Variants in NPY observed in about 807,000 individuals in gnomAD.
NPY encodes the protein pro-neuropeptide Y.
In NPY, 11 loss-of-function variants were observed where a neutral mutation model predicts 13.2. That is an observed-to-expected ratio of 0.83 (90% confidence interval 0.52 to 1.38). The LOEUF is 1.38. NPY is among the 40% of genes most tolerant of loss of function. The pLI is 0.00. For synonymous variants in NPY, 51 were observed against 55.6 expected (o/e 0.92, Z 0.37); for missense variants, 109 against 125.1 (o/e 0.87, Z 0.61).
At chr7:24,290,333 G>T (rs1787554699) in intron 3 of NPY, among the ~76,000 whole-genome samples, 1 of 152,098 alleles carries the variant, frequency 6.6e-6, no homozygotes, top group African/African-American at 2.4e-5. Context: ...TTCAGTCCTT[G>T]CTTCCTGTCT....
chr7:24,285,255 G>C lies in NPY; in HGVS notation c.15G>C (p.Lys5Asn). 6.2e-7 allele frequency: 1 copy of C among 1,614,108 alleles called. No homozygotes were observed. The highest frequency in any genetic ancestry group is 8.5e-7 in the Non-Finnish European group (1 of 1,179,980). The change falls in exon 2 of 4, where the codon AAG (lysine) becomes AAC (asparagine). Residue 5 changes from lysine (K) to asparagine (N), a missense_variant. Transcript: ENST00000242152. This position sits in a 1 kb window ranked among gnomAD's most constrained non-coding sequence, Gnocchi z 4.9. MLGNKRLGLSGLTLA... is the reference protein window; with the variant it reads MLGNNRLGLSGLTLA... ...TGTGCCTGCAGATGCTAGGTAACAA[G>C]CGACTGGGGCTGTCCGGACTGACCC...
At chr7:24,286,843 A>T (rs1254983806) in intron 2 of NPY, among the ~76,000 whole-genome samples, 2 of 152,242 alleles carry the variant, frequency 1.3e-5, no homozygotes, top group Non-Finnish European at 2.9e-5. Context: ...AAACAAAAAG[A>T]TATTAACTGT....
intron 2 of NPY, among the ~76,000 whole-genome samples, chr7:24,288,880 C>T (rs922906772): frequency 5.9e-5 from 9 of 152,024 alleles, no homozygotes; most frequent in African/African-American, 1.7e-4. Context: ...AATTTGCATG[C>T]GTGTATCACT....
At chr7:24,284,962 C>T (rs549722450) in intron 1 of NPY, 572 of 544,902 alleles carry the variant, frequency 1.0e-3, no homozygotes, top group Non-Finnish European at 1.7e-3. Flanking sequence ...GGGGCCCCCA[C>T]CTTGCACTCT....
At position 24,291,829 on chromosome 7, in the gene NPY, ATG is replaced by A; in HGVS notation, c.*148_*149del. 1 of 828,638 alleles carries A rather than the reference ATG, an allele frequency of 1.2e-6. No homozygotes were observed. Among genetic ancestry groups the A allele is most frequent in the Non-Finnish European group, 1.9e-6 (1 of 518,266 alleles). 51.3% of individuals were successfully genotyped at this position (828,638 alleles called of 1,614,324 possible). A position where few individuals can be genotyped will look rare whatever the true frequency, so the allele number is the denominator to read the frequency against. On this transcript the variant is annotated 3_prime_UTR_variant, in exon 4 of 4. Coordinates refer to ENST00000242152, the MANE Select transcript of NPY (RefSeq NM_000905.4). ...GTTTTCCTTTGTCATCATTGTATAT[ATG>A]TGTGTTTAAATAAAGTATCATGCAT...
Position 24,285,187 on chromosome 7 carries a change from C to A in NPY, c.1-54C>A. The A allele has an allele frequency of 2.5e-6, 4 of 1,580,584 alleles. No homozygotes were observed. ...CGGGGGGCAGAGGAGGGAGGTGCTG[C>A]GCGTGGGTGCTCTGAATCCCCAAGC... is the stretch of plus-strand genomic sequence containing the variant. On this transcript the variant is annotated intron_variant, in intron 1 of 3. Transcript: ENST00000242152. The surrounding 1 kb of genome is among the most constrained non-coding windows in gnomAD (Gnocchi z 4.9).
Position 24,285,294 on chromosome 7 carries a change from G to T in NPY, c.54G>T (p.Leu18=), listed in dbSNP as rs770056028. The change falls in exon 2 of 4, where the codon CTG becomes CTT. Residue 18 remains leucine (L), a synonymous_variant. Transcript: ENST00000242152. The surrounding 1 kb of genome is among the most constrained non-coding windows in gnomAD (Gnocchi z 4.9). Reference sequence around the variant, plus strand: ...CCGGACTGACCCTCGCCCTGTCCCTGCTCGTGTGCCTGGGTGCGCTGGCCG... The same window carrying T: ...CCGGACTGACCCTCGCCCTGTCCCTTCTCGTGTGCCTGGGTGCGCTGGCCG... ...GLSGLTLALS[L]LVCLGALAEA... 4 of 1,614,076 alleles carry T rather than the reference G, an allele frequency of 2.5e-6. No homozygotes were observed. In the South Asian group the frequency reaches 4.4e-5, roughly 18 times the overall value.
chr7:24,291,628 C>A, intron 3 of NPY, 35 bp from the exon 4 acceptor site: 1 of 1,613,672 alleles, frequency 6.2e-7, no homozygotes, highest in Non-Finnish European at 8.5e-7. Context: ...AGTTGGGCAG[C>A]TTTCCTTACA....
At chr7:24,291,426 T>C (rs1787594522) in intron 3 of NPY, among the ~76,000 whole-genome samples, 1 of 152,196 alleles carries the variant, frequency 6.6e-6, no homozygotes, top group Non-Finnish European at 1.5e-5. Context: ...ATGCTCTCTC[T>C]GATGTTTGCC....
rs528363143 is a variant in NPY, at chr7:24,285,094, T to C, written c.1-147T>C. 1.9e-5 allele frequency: 16 copies of C among 838,694 alleles called. No homozygotes were observed. In the East Asian group the frequency reaches 3.5e-4, roughly 18 times the overall value. The allele number at this position is 838,694 out of a possible 1,614,324, so 52.0% of individuals were successfully genotyped here. A position where few individuals can be genotyped will look rare whatever the true frequency, so the allele number is the denominator to read the frequency against. On this transcript the variant is annotated intron_variant, in intron 1 of 3. Coordinates refer to ENST00000242152, the MANE Select transcript of NPY (RefSeq NM_000905.4). The surrounding 1 kb of genome is among the most constrained non-coding windows in gnomAD (Gnocchi z 4.9). ...CCCGCAAGGTGGTGCTAGCCACTCCTGGGTTCTCTCTGCGGGACTGGGACG... is the reference window on the plus strand; with the variant it reads ...CCCGCAAGGTGGTGCTAGCCACTCCCGGGTTCTCTCTGCGGGACTGGGACG...
rs759189466 is a variant in NPY at position 24,289,565 on chromosome 7, T to C, written c.255T>C (p.Asn85=). ...TCTTGATGAGAGAAAGCACAGAAAA[T>C]GTTCCCAGAACTCGGTATGACAAGG... is the stretch of plus-strand genomic sequence containing the variant. ...SDLLMRESTE[N]VPRTRLEDPA... is the part of the protein sequence containing the mutation. Residue 85 remains asparagine (N), a synonymous_variant, in exon 3 of 4, where the codon AAT becomes AAC. Coordinates refer to ENST00000242152, the MANE Select transcript of NPY (RefSeq NM_000905.4). The C allele has an allele frequency of 6.2e-6, 10 of 1,609,602 alleles. No individual in the cohort carries two copies. The highest frequency in any genetic ancestry group is 8.5e-6 in the Non-Finnish European group (10 of 1,177,910).
Position 24,285,452 on chromosome 7 carries a change from T to TC in NPY, c.188+26dup. On this transcript the variant is annotated intron_variant, in intron 2 of 3. Transcript: ENST00000242152. The surrounding 1 kb of genome is among the most constrained non-coding windows in gnomAD (Gnocchi z 4.9). ...AGGTGGGTGGGACCGCGGGACCGAT[T>TC]CCGGGAGCGCCAGTGCCTGCACACC... 1 of 1,602,538 alleles carries TC rather than the reference T, an allele frequency of 6.2e-7. No individual in the cohort carries two copies. Among genetic ancestry groups the TC allele is most frequent in the South Asian group, 1.1e-5 (1 of 90,240 alleles).
Position 24,291,731 on chromosome 7 carries a change from CAT to C in NPY, c.*47_*48del. 3 of 1,611,994 alleles carry C rather than the reference CAT, an allele frequency of 1.9e-6. No homozygotes were observed. Among genetic ancestry groups the C allele is most frequent in the Non-Finnish European group, 2.5e-6 (3 of 1,178,264 alleles). ...CTCTGGCCTTTTCCTATTTTCAGCC[CAT>C]ATTTCATCGTGTAAAACGAGAATCC... On this transcript the variant is annotated 3_prime_UTR_variant, in exon 4 of 4. Transcript: ENST00000242152.
rs575349144 is a variant in NPY, at chr7:24,286,865, A to G, written c.188+1437A>G. On this transcript the variant is annotated intron_variant, in intron 2 of 3. Coordinates refer to ENST00000242152, the MANE Select transcript of NPY (RefSeq NM_000905.4). ...AAGATATTAACTGTTTTTTCTAGAA[A>G]AACCTTTGTTAGTTATTTAGCTGTA... Among the ~76,000 whole-genome samples the G allele has an allele frequency of 2.0e-5, 3 of 152,326 alleles. No individual in the cohort carries two copies. The South Asian group carries it at 6.2e-4, about 32-fold the overall frequency.
intron 2 of NPY, among the ~76,000 whole-genome samples, chr7:24,288,314 T>C (rs973228981): frequency 6.6e-6 from 1 of 152,178 alleles, no homozygotes; most frequent in Non-Finnish European, 1.5e-5. Context: ...ATCTCACACA[T>C]GATGGGAGTG....
At chr7:24,291,553 T>C (rs1412360181) in intron 3 of NPY, 110 bp from the exon 4 acceptor site, 3 of 1,329,690 alleles carry the variant, frequency 2.3e-6, no homozygotes, top group Non-Finnish European at 3.2e-6. Flanking sequence ...CAGGAAACTT[T>C]TCAACAGTTC....
Position 24,285,531 on chromosome 7 carries a change from C to A in NPY, c.188+103C>A. On this transcript the variant is annotated intron_variant, in intron 2 of 3. Transcript: ENST00000242152. This position sits in a 1 kb window ranked among gnomAD's most constrained non-coding sequence, Gnocchi z 4.9. ...GATTGTTTCTTTTCCTTCGCTCTAT[C>A]CCAGGGCAGGACAGTATCAGGCACT... is the stretch of plus-strand genomic sequence containing the variant. 3 of 1,230,944 alleles carry A rather than the reference C, an allele frequency of 2.4e-6. No individual in the cohort carries two copies. The highest frequency in any genetic ancestry group is 2.1e-5 in the Admixed American group (1 of 47,920). 76.3% of individuals were successfully genotyped at this position (1,230,944 alleles called of 1,614,324 possible).
intron 2 of NPY, among the ~76,000 whole-genome samples, chr7:24,286,920 G>A (rs186689921): frequency 1.9e-4 from 29 of 152,270 alleles, no homozygotes; most frequent in Middle Eastern, 6.8e-3. Context: ...TCATTTTTCC[G>A]AAGATGATTG....
intron 2 of NPY, among the ~76,000 whole-genome samples, chr7:24,286,227 A>C (rs1309986579): frequency 6.6e-6 from 1 of 152,240 alleles, no homozygotes; most frequent in African/African-American, 2.4e-5. Context: ...CCGAAAGTCA[A>C]AATGAAATGC....
Sources: allele counts gnomAD v4.1 joint callset (sites outside exome capture counted in the v4.1 genomes callset), GRCh38; gene constraint gnomAD v4.1.1; non-coding constraint Gnocchi (gnomAD v3.1); transcripts MANE v1.5; gene names NCBI Gene and HGNC (gene_info 2026-07-23, HGNC 2026-07-21).